HOMER1: variants seen among roughly 807,000 people sequenced by gnomAD.
HOMER1 encodes the protein homer protein homolog 1.
A neutral mutation model predicts 48.9 loss-of-function variants in HOMER1; 3 were observed. That is an observed-to-expected ratio of 0.06 (90% CI 0.03 to 0.16). The LOEUF (loss-of-function observed/expected upper bound fraction) is 0.16. Among genes scored for constraint, HOMER1 ranks in the 10% least tolerant of loss-of-function variants. HOMER1 has a pLI of 1.00. For synonymous variants in HOMER1, 134 were observed against 146.4 expected (o/e 0.92, Z 0.61); for missense variants, 247 against 411.4 (o/e 0.60, Z 3.46).
At chr5:79,496,949 C>T (rs1467267646) in intron 1 of HOMER1, among the ~76,000 whole-genome samples, 1 of 150,968 alleles carries the variant, frequency 6.6e-6, no homozygotes, top group Non-Finnish European at 1.5e-5. Context: ...ACCTGTAGTC[C>T]CAGCTACTTG....
At chr5:79,400,409 T>C (rs1053103115) in intron 6 of HOMER1, among the ~76,000 whole-genome samples, 1 of 151,216 alleles carries the variant, frequency 6.6e-6, no homozygotes, top group Non-Finnish European at 1.5e-5. Context: ...AGCTGGAGTA[T>C]GCAGTGGCGT....
At chr5:79,388,113 T>TG (rs1175546111) in intron 8 of HOMER1, among the ~76,000 whole-genome samples, 1 of 151,756 alleles carries the variant, frequency 6.6e-6, no homozygotes, top group African/African-American at 2.4e-5. Flanking sequence ...GCCAGAATAC[T>TG]GAAAAAAAAG....
At chr5:79,421,771 A>G (rs1336316784) in intron 5 of HOMER1, among the ~76,000 whole-genome samples, 3 of 151,712 alleles carry the variant, frequency 2.0e-5, no homozygotes, top group Non-Finnish European at 4.4e-5. Flanking sequence ...TGCCCAGCTA[A>G]TTTTTTTGTA....
In HOMER1 at chr5:79,374,810, C is replaced by A. The variant is rs1449131586; in HGVS notation, c.*1199G>T. On this transcript the variant is annotated 3_prime_UTR_variant, in exon 9 of 9. Transcript: ENST00000334082. ...TCAAAACAACATTAAAACCTGTTCA[C>A]TGAGAAGAGCCTATTGAATTTAATT... The A allele has an allele frequency of 6.6e-6, 1 of 152,058 alleles. No homozygotes were observed. Among genetic ancestry groups the A allele is most frequent in the African/African-American group, 2.4e-5 (1 of 41,442 alleles). The allele number at this position is 152,058 out of a possible 1,614,324, so 9.4% of individuals were successfully genotyped here.
intron 1 of HOMER1, among the ~76,000 whole-genome samples, chr5:79,470,168 G>A (rs1261986408): frequency 2.6e-5 from 4 of 152,066 alleles, no homozygotes; most frequent in East Asian, 1.9e-4. Context: ...ATAGATAAAC[G>A]GGCATCTTAA....
intron 8 of HOMER1, among the ~76,000 whole-genome samples, chr5:79,389,033 A>G (rs1440186522): frequency 6.6e-6 from 1 of 152,102 alleles, no homozygotes; most frequent in African/African-American, 2.4e-5. Flanking sequence ...ATATTCTAGT[A>G]TATCATTTAA....
rs899195488 is a variant in HOMER1 at position 79,465,591 on chromosome 5, T to C, written c.6-8573A>G. 3.2e-5 allele frequency among the ~76,000 whole-genome samples: 4 copies of C among 125,796 alleles called. 1 individual carries two copies. The highest frequency in any genetic ancestry group is 6.5e-5 in the African/African-American group (2 of 30,886). 82.5% of individuals were successfully genotyped at this position (125,796 alleles called of 152,430 possible). A position where few individuals can be genotyped will look rare whatever the true frequency, so the allele number is the denominator to read the frequency against. ...GTACTGTTTACATTTCTTCTTTTTT[T>C]TTTTTTTTTTTTTTTTTTTGAGACA... On this transcript the variant is annotated intron_variant, in intron 1 of 8. Coordinates refer to ENST00000334082, the MANE Select transcript of HOMER1 (RefSeq NM_004272.5).
intron 2 of HOMER1, among the ~76,000 whole-genome samples, chr5:79,455,181 C>A (rs1346773734): frequency 4.6e-5 from 7 of 151,842 alleles, no homozygotes; most frequent in Non-Finnish European, 2.9e-5. Context: ...AAGTGATCCT[C>A]ATGCCTCGGC....
chr5:79,440,420 C>T (rs1750707983), intron 4 of HOMER1, among the ~76,000 whole-genome samples: 1 of 152,124 alleles, frequency 6.6e-6, no homozygotes, highest in Admixed American at 6.5e-5. Context: ...TGTTAAAGAT[C>T]AAAAGGATAC....
intron 1 of HOMER1, among the ~76,000 whole-genome samples, chr5:79,468,292 ACAGAAATTTTATGAAATTTAAATT>A (rs2112320536): frequency 6.6e-6 from 1 of 152,334 alleles, no homozygotes; most frequent in African/African-American, 2.4e-5. Context: ...ACTTTTTCCA[ACAGAAATTTTATGAAATTTAAATT>A]CAGATCAAGT....
chr5:79,489,681 C>A (rs1752214793), intron 1 of HOMER1, among the ~76,000 whole-genome samples: 1 of 152,164 alleles, frequency 6.6e-6, no homozygotes, highest in African/African-American at 2.4e-5. Context: ...CTCTAAGGTT[C>A]TTTCCTTCAT....
At chr5:79,440,720 A>G (rs1288058883) in intron 4 of HOMER1, among the ~76,000 whole-genome samples, 1 of 152,240 alleles carries the variant, frequency 6.6e-6, no homozygotes, top group Non-Finnish European at 1.5e-5. Flanking sequence ...AGCCAGTAAG[A>G]TATCATAAAA....
chr5:79,439,976 T>G (rs1182584341), intron 4 of HOMER1, among the ~76,000 whole-genome samples: 1 of 152,138 alleles, frequency 6.6e-6, no homozygotes, highest in African/African-American at 2.4e-5. Context: ...ACCTATTAAC[T>G]AGGGGAGGTG....
chr5:79,452,404 A>G (rs931976250), intron 2 of HOMER1, among the ~76,000 whole-genome samples: 1 of 152,234 alleles, frequency 6.6e-6, no homozygotes, highest in East Asian at 1.9e-4. Context: ...CATAAAAGTG[A>G]GGAATCATTT....
chr5:79,451,814 G>A (rs1401594360), intron 2 of HOMER1, among the ~76,000 whole-genome samples: 1 of 151,842 alleles, frequency 6.6e-6, no homozygotes, highest in Non-Finnish European at 1.5e-5. Context: ...GCCCGCCTCG[G>A]CCTCCCAAAG....
chr5:79,442,018 A>G (rs1561365376), intron 4 of HOMER1, among the ~76,000 whole-genome samples: 1 of 151,826 alleles, frequency 6.6e-6, no homozygotes. Flanking sequence ...AATGAAAAAA[A>G]AAAGCAAAAA....
At chr5:79,471,551 G>GAAAAAAAAAA (rs55724615) in intron 1 of HOMER1, among the ~76,000 whole-genome samples, 5 of 97,680 alleles carry the variant, frequency 5.1e-5, no homozygotes, top group East Asian at 2.9e-4. Flanking sequence ...CCATCTCAAA[G>GAAAAAAAAAA]AAAAAAAAAA....
intron 5 of HOMER1, among the ~76,000 whole-genome samples, chr5:79,403,595 G>T (rs1749586524): frequency 6.6e-6 from 1 of 152,112 alleles, no homozygotes; most frequent in Admixed American, 6.6e-5. Flanking sequence ...GAAGGAAACA[G>T]GAAATAACAG....
In HOMER1 at chr5:79,396,851, T is replaced by G; in HGVS notation, c.848A>C (p.Gln283Pro). The G allele has an allele frequency of 6.2e-7, 1 of 1,604,532 alleles. No homozygotes were observed. The highest frequency in any genetic ancestry group is 1.1e-5 in the South Asian group (1 of 90,572). Reference sequence around the variant, plus strand: ...TAGTTTCTGAGTCAAAGAATCCCTCTGTTCTTGTAGTTCTCTGGCATTATC... The same window carrying G: ...TAGTTTCTGAGTCAAAGAATCCCTCGGTTCTTGTAGTTCTCTGGCATTATC... ...EIDNARELQEQRDSLTQKLQE... is the reference protein window; with the variant it reads ...EIDNARELQEPRDSLTQKLQE... Residue 283 changes from glutamine to proline, a missense_variant, in exon 8 of 9, where the codon CAG becomes CCG. Physicochemically the swap from Gln to Pro is moderately conservative, Grantham distance 76 (BLOSUM62 -1). This residue lies in a region of HOMER1 where 113 missense variants were observed against 152.5 expected (regional missense o/e 0.74). Coordinates refer to ENST00000334082, the MANE Select transcript of HOMER1 (RefSeq NM_004272.5).
Sources: gnomAD v4.1 joint callset for allele counts (sites outside exome capture counted in the v4.1 genomes callset) on GRCh38, gnomAD v4.1.1 for gene constraint, gnomAD v4.1.1 regional missense constraint, MANE v1.5 for transcripts, NCBI Gene and HGNC (gene_info 2026-07-23, HGNC 2026-07-21) for gene names.